BAIAP2L1: variants seen among roughly 807,000 people sequenced by gnomAD.
BAIAP2L1 encodes the protein BAR/IMD domain containing adaptor protein 2 like 1, also known as BAR/IMD domain-containing adapter protein 2-like 1.
Under a neutral mutation model 66.3 loss-of-function variants are expected in BAIAP2L1, and 35 were observed. That is an observed-to-expected ratio of 0.53 (90% CI 0.40 to 0.70). BAIAP2L1 has a LOEUF of 0.70. Ranked by LOEUF, BAIAP2L1 falls within the 30% of genes least tolerant of loss-of-function variation. The pLI is 0.00. For missense variants in BAIAP2L1, 622 were observed against 656.9 expected (o/e 0.95, Z 0.58); for synonymous variants, 269 against 248.7 (o/e 1.08, Z -0.77).
In BAIAP2L1 at chr7:98,363,518, T is replaced by C. The variant is rs1418002745; in HGVS notation, c.52-1086A>G. Among the ~76,000 whole-genome samples the C allele has an allele frequency of 3.3e-5, 5 of 152,298 alleles. No homozygotes were observed. The East Asian group carries it at 9.6e-4, about 29-fold the overall frequency. On this transcript the variant is annotated intron_variant, in intron 1 of 13. Coordinates refer to ENST00000005260, the MANE Select transcript of BAIAP2L1 (RefSeq NM_018842.5). ...TTATTCCTGTATCAGCAGAAAGTCA[T>C]AAAGACAAATGCTAGGACAAGTATA...
intron 3 of BAIAP2L1, among the ~76,000 whole-genome samples, chr7:98,353,495 CAT>C (rs1275592997): frequency 1.1e-4 from 14 of 128,270 alleles, no homozygotes; most frequent in Non-Finnish European, 1.7e-4. Flanking sequence ...TATAAATACA[CAT>C]ATATTTATAT....
chr7:98,393,084 TATATACATATATAC>T (rs1803096150), intron 1 of BAIAP2L1, among the ~76,000 whole-genome samples: 5 of 106,696 alleles, frequency 4.7e-5, no homozygotes, highest in Non-Finnish European at 7.3e-5. Flanking sequence ...TACACACACA[TATATACATATATAC>T]GTGTACATAT....
chr7:98,293,557 A>C lies in BAIAP2L1; in HGVS notation c.1500T>G (p.Thr500=), dbSNP rs1218702529. Residue 500 remains threonine (T), a synonymous_variant, in exon 14 of 14, where the codon ACT becomes ACG. Transcript: ENST00000005260. The part of the protein sequence containing the change: ...NPFATVKLRP[T]VTNDRSAPII... ...TGGGTGCCGAGCGATCATTCGTCAC[A>C]GTCGGGCGGAGTTTCACAGTGGCAA... The C allele has an allele frequency of 1.2e-6, 2 of 1,613,776 alleles. No homozygotes were observed. The highest frequency in any genetic ancestry group is 1.7e-6 in the Non-Finnish European group (2 of 1,179,966).
chr7:98,353,961 CAATAAAATAAAATAAAATAAAATAA>C (rs72080714), intron 3 of BAIAP2L1, among the ~76,000 whole-genome samples: 22 of 139,342 alleles, frequency 1.6e-4, no homozygotes, highest in African/African-American at 4.9e-4. Flanking sequence ...GACTCTGTCT[CAATAAAATAAAATAAAATAAAATAA>C]AATAAAATAA....
Position 98,400,870 on chromosome 7 carries a change from G to A in BAIAP2L1, c.-18C>T, listed in dbSNP as rs1235048192. 29 of 1,536,458 alleles carry A rather than the reference G, an allele frequency of 1.9e-5. No homozygotes were observed. The highest frequency in any genetic ancestry group is 2.4e-5 in the Non-Finnish European group (27 of 1,140,678). On this transcript the variant is annotated 5_prime_UTR_variant, in exon 1 of 14. Coordinates refer to ENST00000005260, the MANE Select transcript of BAIAP2L1 (RefSeq NM_018842.5). ...CGGGACATGGCTGCGGCCGCCGGGC[G>A]AGCAAGCGCGGGAGGACGCGGCTGG...
intron 3 of BAIAP2L1, among the ~76,000 whole-genome samples, chr7:98,336,563 C>G (rs979427536): frequency 4.6e-5 from 7 of 152,182 alleles, no homozygotes; most frequent in African/African-American, 2.4e-5. Flanking sequence ...TTGCAGTGAG[C>G]AGAGATTGCA....
Position 98,309,991 on chromosome 7 carries a change from AG to A in BAIAP2L1, c.955+453del. The A allele has an allele frequency of 1.9e-5, 3 of 157,580 alleles. No individual in the cohort carries two copies. The South Asian group carries it at 5.4e-4, about 28-fold the overall frequency. 9.8% of individuals were successfully genotyped at this position (157,580 alleles called of 1,614,324 possible). A position where few individuals can be genotyped will look rare whatever the true frequency, so the allele number is the denominator to read the frequency against. On this transcript the variant is annotated intron_variant, in intron 9 of 13. Coordinates refer to ENST00000005260, the MANE Select transcript of BAIAP2L1 (RefSeq NM_018842.5). ...CAGCCTCCCGAGTAGCTGGGATTAC[AG>A]GCAGGCACCACCACGCCTGGCTAAT...
At chr7:98,299,769 A>G (rs13232861) in intron 12 of BAIAP2L1, among the ~76,000 whole-genome samples, 119,936 of 152,126 alleles carry the variant, frequency 0.79, 47,441 homozygotes, top group Non-Finnish European at 0.82. Context: ...TGCCGGGCGC[A>G]GTGACTCACG....
At chr7:98,357,499 A>G (rs1802164088) in intron 2 of BAIAP2L1, among the ~76,000 whole-genome samples, 1 of 149,712 alleles carries the variant, frequency 6.7e-6, no homozygotes. Context: ...CTCGGGAGGC[A>G]GAGGTTACAG....
At chr7:98,324,973 A>G (rs113511955) in intron 3 of BAIAP2L1, among the ~76,000 whole-genome samples, 4 of 152,358 alleles carry the variant, frequency 2.6e-5, no homozygotes, top group African/African-American at 9.6e-5. Flanking sequence ...GCAACGCCTG[A>G]GTCACGCACT....
intron 3 of BAIAP2L1, among the ~76,000 whole-genome samples, chr7:98,340,342 C>T (rs1801711381): frequency 6.6e-6 from 1 of 152,148 alleles, no homozygotes; most frequent in South Asian, 2.1e-4. Context: ...GGCTGGAATG[C>T]AGTGGCCCAA....
At chr7:98,336,229 C>T (rs775035546) in intron 3 of BAIAP2L1, among the ~76,000 whole-genome samples, 1 of 152,140 alleles carries the variant, frequency 6.6e-6, no homozygotes, top group Non-Finnish European at 1.5e-5. Flanking sequence ...ATCAGTCATA[C>T]TCCAAACCTT....
chr7:98,377,803 G>A (rs1264389960), intron 1 of BAIAP2L1, among the ~76,000 whole-genome samples: 1 of 111,894 alleles, frequency 8.9e-6, no homozygotes, highest in Non-Finnish European at 1.7e-5. Context: ...CTGGGCGACA[G>A]AGTGAGACTC....
Position 98,362,445 on chromosome 7 carries a change from C to A in BAIAP2L1, c.52-13G>T. On this transcript the variant is annotated splice_polypyrimidine_tract_variant and intron_variant, in intron 1 of 13. Coordinates refer to ENST00000005260, the MANE Select transcript of BAIAP2L1 (RefSeq NM_018842.5). Reference sequence around the variant, plus strand: ...GTTCCATAACATTCTGCCAAACAAACAAAACACACAAATTAATAAAATAAA... The same window carrying A: ...GTTCCATAACATTCTGCCAAACAAAAAAAACACACAAATTAATAAAATAAA... 6.3e-7 allele frequency: 1 copy of A among 1,589,122 alleles called. No homozygotes were observed. The highest frequency in any genetic ancestry group is 1.2e-5 in the South Asian group (1 of 86,226).
chr7:98,359,754 T>G (rs1044609292), intron 2 of BAIAP2L1, among the ~76,000 whole-genome samples: 4 of 149,204 alleles, frequency 2.7e-5, no homozygotes, highest in Middle Eastern at 3.4e-3. Context: ...GGTTTTTTTT[T>G]TTTTTTTTTT....
In BAIAP2L1 at chr7:98,401,051, C is replaced by A; in HGVS notation, c.-199G>T. ...CTTGCGGCAGCGCCGCCCTGGCCTT[C>A]TTCGAGGAGCAGAGGAGAAGCGGCC... On this transcript the variant is annotated 5_prime_UTR_variant, in exon 1 of 14. Coordinates refer to ENST00000005260, the MANE Select transcript of BAIAP2L1 (RefSeq NM_018842.5). 2.4e-6 allele frequency: 1 copy of A among 419,640 alleles called. No homozygotes were observed. The highest frequency in any genetic ancestry group is 4.0e-6 in the Non-Finnish European group (1 of 248,422). The allele number at this position is 419,640 out of a possible 1,614,324, so 26.0% of individuals were successfully genotyped here.
chr7:98,359,525 C>A (rs1318810645), intron 2 of BAIAP2L1, among the ~76,000 whole-genome samples: 1 of 152,194 alleles, frequency 6.6e-6, no homozygotes, highest in East Asian at 1.9e-4. Flanking sequence ...CCCGCTTCGG[C>A]CTCCCAGTGT....
intron 12 of BAIAP2L1, among the ~76,000 whole-genome samples, chr7:98,295,861 G>A (rs1008885112): frequency 1.3e-5 from 2 of 152,150 alleles, no homozygotes; most frequent in Non-Finnish European, 2.9e-5. Context: ...AAGAAGCACC[G>A]ACTCCTGCCA....
At chr7:98,329,902 A>C (rs7777415) in intron 3 of BAIAP2L1, among the ~76,000 whole-genome samples, 4,567 of 152,006 alleles carry the variant, frequency 0.03, 228 homozygotes, top group African/African-American at 0.1. Context: ...CAGAGCCGTA[A>C]GTAAGACACA....
Sources: gnomAD v4.1 joint callset for allele counts (sites outside exome capture counted in the v4.1 genomes callset) on GRCh38, gnomAD v4.1.1 for gene constraint, MANE v1.5 for transcripts, NCBI Gene and HGNC (gene_info 2026-07-23, HGNC 2026-07-21) for gene names.